Variants in EEA1 observed in about 807,000 individuals in gnomAD.
The protein encoded by EEA1 is early endosome antigen 1, also known as early endosome antigen 1, 162kD.
Under a neutral mutation model 209.2 loss-of-function variants are expected in EEA1, and 111 were observed. The observed-to-expected ratio is 0.53, with a 90% CI of 0.45 to 0.62. The LOEUF (loss-of-function observed/expected upper bound fraction) is 0.62, where lower values mean the gene tolerates loss of function less well. Among genes scored for constraint, EEA1 ranks in the 20% least tolerant of loss-of-function variants. The pLI is 0.00. For missense variants in EEA1, 1,343 were observed against 1,530.8 expected (o/e 0.88, Z 2.05); for synonymous variants, 536 against 540.6 (o/e 0.99, Z 0.12).
chr12:92,811,171 A>G (rs1875477779), intron 17 of EEA1, 108 bp downstream of exon 17: 1 of 777,474 alleles, frequency 1.3e-6, no homozygotes, highest in South Asian at 4.4e-5. Context: ...TTATACCACA[A>G]CTTCACCTTT....
intron 21 of EEA1, among the ~76,000 whole-genome samples, chr12:92,795,784 C>T (rs17020740): frequency 0.02 from 3,052 of 152,272 alleles, 98 homozygotes; most frequent in African/African-American, 0.064. Context: ...ATCTTTTTCA[C>T]ATTGACGGTC....
intron 12 of EEA1, among the ~76,000 whole-genome samples, chr12:92,826,939 A>AT (rs1233636796): frequency 1.3e-5 from 2 of 152,064 alleles, no homozygotes; most frequent in African/African-American, 2.4e-5. Flanking sequence ...TATTTCTTTT[A>AT]TTTTTTTCCT....
chr12:92,884,394 GT>G, intron 2 of EEA1: 1 of 1,271,074 alleles, frequency 7.9e-7, no homozygotes, highest in Non-Finnish European at 1.1e-6. Context: ...CGTGGAGGTG[GT>G]TTTGGCAGGA....
At chr12:92,783,835 C>T (rs1219130106) in intron 22 of EEA1, among the ~76,000 whole-genome samples, 2 of 151,784 alleles carry the variant, frequency 1.3e-5, no homozygotes, top group Non-Finnish European at 2.9e-5. Context: ...TCTGGAGATA[C>T]AGCTCCTTTG....
intron 1 of EEA1, among the ~76,000 whole-genome samples, chr12:92,901,160 C>T (rs1043694759): frequency 9.9e-5 from 15 of 152,248 alleles, no homozygotes; most frequent in Middle Eastern, 3.4e-3. Context: ...TGCCAGATGG[C>T]TTTTCACCAA....
chr12:92,845,074 C>G (rs918122787), intron 9 of EEA1, among the ~76,000 whole-genome samples: 1 of 151,996 alleles, frequency 6.6e-6, no homozygotes, highest in Non-Finnish European at 1.5e-5. Flanking sequence ...TATGCTCTTA[C>G]TGTATAAGGT....
chr12:92,895,859 G>A (rs555109488), intron 1 of EEA1, among the ~76,000 whole-genome samples: 36 of 152,250 alleles, frequency 2.4e-4, no homozygotes, highest in South Asian at 1.5e-3. Flanking sequence ...TTTAGAAGTT[G>A]ATTCCAACCT....
chr12:92,829,752 C>T (rs1289465552), intron 11 of EEA1, among the ~76,000 whole-genome samples: 1 of 144,940 alleles, frequency 6.9e-6, no homozygotes, highest in Non-Finnish European at 1.5e-5. Context: ...GCACTCCAGC[C>T]TGGGTGACAA....
At chr12:92,897,132 G>C (rs1879918458) in intron 1 of EEA1, among the ~76,000 whole-genome samples, 1 of 152,098 alleles carries the variant, frequency 6.6e-6, no homozygotes, top group African/African-American at 2.4e-5. Flanking sequence ...CAACTTCCTA[G>C]AACTAAATTG....
intron 19 of EEA1, 127 bp downstream of exon 19, chr12:92,802,277 C>T (rs1238361353): frequency 4.7e-6 from 4 of 852,330 alleles, no homozygotes; most frequent in Middle Eastern, 3.7e-4. Flanking sequence ...AATTAATTTC[C>T]TCATAAGAAC....
chr12:92,801,686 C>A lies in EEA1; in HGVS notation c.2686G>T (p.Glu896Ter). The A allele has an allele frequency of 6.3e-7, 1 of 1,586,308 alleles. No homozygotes were observed. Residue 896 changes from glutamate (E) to a stop codon, truncating the protein, a stop_gained, in exon 20 of 29, where the codon GAA (glutamate) becomes TAA (stop). Coordinates refer to ENST00000322349, the MANE Select transcript of EEA1 (RefSeq NM_003566.4). LOFTEE classifies it high-confidence loss of function. ...TGCACTTGAAGTTGATGCTTTAATT[C>A]TTTGCAAGTTTTTTCCTTAAAAAAA... ...AILDLEKTCK[E>*]LKHQLQVQME...
intron 21 of EEA1, among the ~76,000 whole-genome samples, chr12:92,793,184 G>T (rs973889611): frequency 1.3e-5 from 2 of 152,068 alleles, no homozygotes; most frequent in Non-Finnish European, 2.9e-5. Context: ...ATACTGAATG[G>T]GCAAAAACTG....
intron 22 of EEA1, among the ~76,000 whole-genome samples, chr12:92,786,712 G>C (rs747955426): frequency 6.6e-5 from 10 of 152,054 alleles, no homozygotes; most frequent in Non-Finnish European, 1.2e-4. Context: ...GTCTATCCCA[G>C]GTCCAATCCA....
At chr12:92,792,556 A>C (rs1465500100) in intron 21 of EEA1, among the ~76,000 whole-genome samples, 1 of 152,194 alleles carries the variant, frequency 6.6e-6, no homozygotes. Flanking sequence ...TCCTGGACAG[A>C]TACACCCTCC....
At chr12:92,928,398 A>C (rs575294323) in intron 1 of EEA1, among the ~76,000 whole-genome samples, 1 of 152,312 alleles carries the variant, frequency 6.6e-6, no homozygotes, top group East Asian at 1.9e-4. Flanking sequence ...AAAATAAGGT[A>C]GTGGGGCTTG....
intron 21 of EEA1, among the ~76,000 whole-genome samples, chr12:92,793,757 T>C (rs555583855): frequency 6.6e-6 from 1 of 152,160 alleles, no homozygotes; most frequent in Non-Finnish European, 1.5e-5. Context: ...CCAATGACTT[T>C]CTTCATAGAA....
At chr12:92,776,412 T>A (rs906308310) in intron 28 of EEA1, among the ~76,000 whole-genome samples, 36 of 151,906 alleles carry the variant, frequency 2.4e-4, no homozygotes, top group African/African-American at 8.7e-4. Context: ...TTATAAAGTA[T>A]CTCTATCAAA....
chr12:92,846,714 T>A (rs765187132), intron 9 of EEA1, among the ~76,000 whole-genome samples: 1 of 152,204 alleles, frequency 6.6e-6, no homozygotes, highest in Non-Finnish European at 1.5e-5. Flanking sequence ...ATGAGATATT[T>A]TCTATATGCC....
At chr12:92,808,878 T>C (rs1875343726) in intron 18 of EEA1, 139 bp downstream of exon 18, 5 of 648,084 alleles carry the variant, frequency 7.7e-6, no homozygotes, top group Non-Finnish European at 2.3e-6. Context: ...CACATTAACA[T>C]CAGTTTATAA....
Sources: allele counts gnomAD v4.1 joint callset (sites outside exome capture counted in the v4.1 genomes callset), GRCh38; gene constraint gnomAD v4.1.1; transcripts MANE v1.5; gene names NCBI Gene and HGNC (gene_info 2026-07-23, HGNC 2026-07-21).